Variants in AGO2 observed in about 807,000 individuals in gnomAD.
The protein encoded by AGO2 is argonaute RISC catalytic component 2.
AGO2 carries 5 observed loss-of-function variants against 102.3 expected under a neutral mutation model. That is an observed-to-expected ratio of 0.05 (90% CI 0.03 to 0.10). The LOEUF (loss-of-function observed/expected upper bound fraction) is 0.10. Ranked by LOEUF, AGO2 falls within the 10% of genes least tolerant of loss-of-function variation. The pLI is 1.00. For synonymous variants in AGO2, 449 were observed against 473.1 expected (o/e 0.95, Z 0.66); for missense variants, 541 against 1,183.7 (o/e 0.46, Z 7.97).
intron 5 of AGO2, 55 bp from the exon 6 acceptor site, chr8:140,559,584 G>A (rs2073162340): frequency 1.2e-6 from 2 of 1,605,902 alleles, no homozygotes; most frequent in Non-Finnish European, 1.7e-6. Flanking sequence ...CTGCTGGACG[G>A]GCCCATAGTC....
intron 1 of AGO2, chr8:140,626,345 C>A (rs1161910140): frequency 6.6e-6 from 1 of 152,080 alleles, no homozygotes; most frequent in African/African-American, 2.4e-5. Flanking sequence ...TTTTCTTATC[C>A]CTCCCTGCTT....
At chr8:140,542,318 T>C (rs1812193037) in intron 14 of AGO2, among the ~76,000 whole-genome samples, 1 of 152,234 alleles carries the variant, frequency 6.6e-6, no homozygotes, top group African/African-American at 2.4e-5. Flanking sequence ...AACTGCTTCT[T>C]GGCAATCTGC....
intron 3 of AGO2, among the ~76,000 whole-genome samples, chr8:140,568,782 C>T (rs796399948): frequency 1.1e-4 from 17 of 152,342 alleles, no homozygotes; most frequent in African/African-American, 4.1e-4. Context: ...TTCAAAGTCA[C>T]CTGGCAGATG....
At chr8:140,610,190 C>T (rs930719630) in intron 1 of AGO2, among the ~76,000 whole-genome samples, 23 of 151,934 alleles carry the variant, frequency 1.5e-4, no homozygotes, top group Non-Finnish European at 2.6e-4. Flanking sequence ...GGTGACAGAG[C>T]GAGATCCTGT....
chr8:140,571,518 T>G (rs970367399), intron 3 of AGO2, among the ~76,000 whole-genome samples: 2 of 152,318 alleles, frequency 1.3e-5, no homozygotes, highest in Admixed American at 1.3e-4. Flanking sequence ...GGAAGAAGAC[T>G]GAACGTCTGT....
chr8:140,583,299 C>T (rs2073586067), intron 2 of AGO2, among the ~76,000 whole-genome samples: 2 of 152,202 alleles, frequency 1.3e-5, no homozygotes, highest in African/African-American at 4.8e-5. Context: ...TGTAAATGGC[C>T]TGCTGTGGGA....
At chr8:140,635,427 C>T in intron 1 of AGO2, 58 bp downstream of exon 1, 1 of 978,458 alleles carries the variant, frequency 1.0e-6, no homozygotes. Flanking sequence ...CCGGGCCCGC[C>T]AACCACGGGC....
intron 10 of AGO2, among the ~76,000 whole-genome samples, chr8:140,553,008 A>G (rs1298647821): frequency 1.3e-5 from 2 of 152,222 alleles, no homozygotes; most frequent in African/African-American, 2.4e-5. Context: ...TTGCACTAAC[A>G]ATGGACCAGG....
At chr8:140,555,644 C>G (rs1030714771) in intron 10 of AGO2, 14 of 495,432 alleles carry the variant, frequency 2.8e-5, no homozygotes, top group African/African-American at 2.5e-4. Context: ...GAATGGTGCT[C>G]TCTAAACTTT....
chr8:140,619,128 AAGG>A (rs1206717702), intron 1 of AGO2, among the ~76,000 whole-genome samples: 1 of 151,906 alleles, frequency 6.6e-6, no homozygotes, highest in African/African-American at 2.4e-5. Flanking sequence ...GCTGCCATGG[AAGG>A]AGGAGGCCCC....
In AGO2 at chr8:140,520,697, G is replaced by GC. The variant is rs1365600175; in HGVS notation, c.*11346_*11347insG. The GC allele has an allele frequency of 3.9e-5, 2 of 50,858 alleles. No homozygotes were observed. The highest frequency in any genetic ancestry group is 2.3e-4 in the Admixed American group (1 of 4,290). The allele number at this position is 50,858 out of a possible 1,614,324, so 3.2% of individuals were successfully genotyped here. ...CGCAATTTTTCTGAGGTCTGTGTTG[G>GC]GGGAAAAAAAAAAAGGTGACATGAT... On this transcript the variant is annotated 3_prime_UTR_variant, in exon 19 of 19. Coordinates refer to ENST00000220592, the MANE Select transcript of AGO2 (RefSeq NM_012154.5).
intron 3 of AGO2, among the ~76,000 whole-genome samples, chr8:140,565,430 C>T (rs2073265946): frequency 7.3e-6 from 1 of 136,876 alleles, no homozygotes; most frequent in Non-Finnish European, 1.6e-5. Flanking sequence ...CAGAGCAAGA[C>T]TCTGTCTCAA....
At chr8:140,594,704 G>A (rs1423885430) in intron 1 of AGO2, among the ~76,000 whole-genome samples, 2 of 152,142 alleles carry the variant, frequency 1.3e-5, no homozygotes, top group African/African-American at 4.8e-5. Context: ...CTACTCGGGG[G>A]TGCTGAGATG....
chr8:140,539,477 G>A lies in AGO2; in HGVS notation c.2035-23C>T, dbSNP rs1228627643. ...AACCTAGGGGTACGGGAGGGAGGAG[G>A]TTGTGCTTAAAGATGGTAGTGCATG... On this transcript the variant is annotated intron_variant, in intron 15 of 18. Transcript: ENST00000220592. The surrounding 1 kb of genome is among the most constrained non-coding windows in gnomAD (Gnocchi z 4.7). The A allele has an allele frequency of 7.5e-6, 12 of 1,600,092 alleles. No individual in the cohort carries two copies. The highest frequency in any genetic ancestry group is 1.0e-5 in the Non-Finnish European group (12 of 1,172,374).
chr8:140,583,016 G>C (rs914987810), intron 2 of AGO2, among the ~76,000 whole-genome samples: 2 of 152,254 alleles, frequency 1.3e-5, no homozygotes, highest in Non-Finnish European at 1.5e-5. Context: ...TCAGGGACCA[G>C]GTGGGGATCT....
chr8:140,617,505 A>G (rs1161614444), intron 1 of AGO2, among the ~76,000 whole-genome samples: 4 of 152,154 alleles, frequency 2.6e-5, no homozygotes, highest in Non-Finnish European at 5.9e-5. Context: ...CACCTGCCTC[A>G]GCCTCCCAAA....
At chr8:140,614,322 TCAAAA>T (rs1420537739) in intron 1 of AGO2, among the ~76,000 whole-genome samples, 1 of 152,184 alleles carries the variant, frequency 6.6e-6, no homozygotes, top group Non-Finnish European at 1.5e-5. Flanking sequence ...AGACTCCGTC[TCAAAA>T]CAAAACAAAA....
At chr8:140,573,179 T>A (rs1460236847) in intron 2 of AGO2, among the ~76,000 whole-genome samples, 2 of 151,944 alleles carry the variant, frequency 1.3e-5, no homozygotes, top group African/African-American at 4.8e-5. Flanking sequence ...ATTTTTTCTT[T>A]TTTTTTTGAG....
intron 13 of AGO2, among the ~76,000 whole-genome samples, chr8:140,544,853 C>A (rs1316206862): frequency 1.3e-5 from 2 of 152,180 alleles, no homozygotes; most frequent in Non-Finnish European, 2.9e-5. Flanking sequence ...ACTTTCAGAC[C>A]CTGAGTATAT....
Sources: gnomAD v4.1 joint callset for allele counts (sites outside exome capture counted in the v4.1 genomes callset) on GRCh38, gnomAD v4.1.1 for gene constraint, Gnocchi (gnomAD v3.1) non-coding constraint, MANE v1.5 for transcripts, NCBI Gene and HGNC (gene_info 2026-07-23, HGNC 2026-07-21) for gene names.